The following SYNPO variants were observed in gnomAD, a reference collection of about 807,000 sequenced individuals.
SYNPO encodes the protein synaptopodin.
SYNPO carries 19 observed loss-of-function variants against 49.5 expected under a neutral mutation model. The ratio of observed to expected loss-of-function variants is 0.38; its 90% CI spans 0.27 to 0.56. The LOEUF (loss-of-function observed/expected upper bound fraction) is 0.56, where lower values mean the gene tolerates loss of function less well. Ranked by LOEUF, SYNPO falls within the 20% of genes least tolerant of loss-of-function variation. SYNPO has a pLI of 0.68. For missense variants in SYNPO, 1,131 were observed against 1,248.3 expected, an observed-to-expected ratio of 0.91 and a Z score of 1.42; for synonymous variants, 536 against 548.0, an observed-to-expected ratio of 0.98 and a Z score of 0.31.
At chr5:150,650,823 T>A in intron 2 of SYNPO, 1 of 1,278,872 alleles carries the variant, frequency 7.8e-7, no homozygotes. Context: ...GGCGTCTTTC[T>A]TCCTGTTGCT....
At chr5:150,590,358 T>C in the SYNPO span, among the ~76,000 whole-genome samples, 4 of 152,322 alleles carry the variant, frequency 2.6e-5, no homozygotes, top group Non-Finnish European at 4.4e-5. Flanking sequence ...CTGAAAAGCC[T>C]CTAAGATAGC....
At chr5:150,641,314 T>C (rs1005881051) in intron 1 of SYNPO, among the ~76,000 whole-genome samples, 1 of 152,206 alleles carries the variant, frequency 6.6e-6, no homozygotes, top group Non-Finnish European at 1.5e-5. Context: ...GGTTCCTTCC[T>C]GACCTCACCA....
intron 2 of SYNPO, among the ~76,000 whole-genome samples, chr5:150,632,342 C>T (rs527544295): frequency 3.2e-4 from 48 of 152,206 alleles, no homozygotes; most frequent in Non-Finnish European, 4.7e-4. Flanking sequence ...TTATGAGAAG[C>T]GCTATTCTAG....
chr5:150,652,286 C>G (rs1280371522), intron 2 of SYNPO: 1 of 998,446 alleles, frequency 1.0e-6, no homozygotes, highest in Non-Finnish European at 1.2e-6. Flanking sequence ...CCAGGCTGAG[C>G]TCTGCCCCCA....
At chr5:150,628,646 C>T (rs1434699936) in intron 2 of SYNPO, among the ~76,000 whole-genome samples, 10 of 152,214 alleles carry the variant, frequency 6.6e-5, no homozygotes, top group African/African-American at 1.9e-4. Context: ...TGGTGGCTCA[C>T]GCCTGTAATC....
Position 150,648,730 on chromosome 5 carries a change from G to A in SYNPO, c.455G>A (p.Cys152Tyr). The A allele has an allele frequency of 1.2e-6, 2 of 1,614,216 alleles. No homozygotes were observed. The highest frequency in any genetic ancestry group is 8.5e-7 in the Non-Finnish European group (1 of 1,180,036). Residue 152 changes from cysteine (C) to tyrosine (Y), a missense_variant, in exon 2 of 3, where the codon TGC (cysteine) becomes TAC (tyrosine). By Grantham distance (194) the Cys-to-Tyr change is radical (BLOSUM62 -2). Transcript: ENST00000307662. The surrounding 1 kb of genome is among the most constrained non-coding windows in gnomAD (Gnocchi z 5.0). ...CAGGCACCGGCTGAGGAGGTGAGATGCAGCACACTCCTAATTGACAAGGTA... is the reference window on the plus strand; with the variant it reads ...CAGGCACCGGCTGAGGAGGTGAGATACAGCACACTCCTAATTGACAAGGTA... ...QPQAPAEEVR[C>Y]STLLIDKVST...
chr5:150,631,551 G>T (rs1441258160), intron 2 of SYNPO, among the ~76,000 whole-genome samples: 2 of 152,210 alleles, frequency 1.3e-5, no homozygotes, highest in Admixed American at 1.3e-4. Flanking sequence ...TGCAGCGCAG[G>T]GGTCAGGGCA....
chr5:150,645,927 GTATT>G (rs1758073037), intron 1 of SYNPO, among the ~76,000 whole-genome samples: 2 of 152,198 alleles, frequency 1.3e-5, no homozygotes, highest in African/African-American at 2.4e-5. Context: ...TTTAAAATGA[GTATT>G]TAAGTAAAAC....
At position 150,640,777 on chromosome 5, in the gene SYNPO, G is replaced by A. The variant is rs148436846; in HGVS notation, c.-410G>A. The A allele has an allele frequency of 4.1e-5, 40 of 985,600 alleles. No homozygotes were observed. Among genetic ancestry groups the A allele is most frequent in the East Asian group, 1.1e-4 (1 of 8,952 alleles). The allele number at this position is 985,600 out of a possible 1,614,324, so 61.1% of individuals were successfully genotyped here. ...AGCCAAGCAATTGGCTGCCTTTGCCGGAGGCTTTGAGAACCAAGGCTTGAA... is the reference window on the plus strand; with the variant it reads ...AGCCAAGCAATTGGCTGCCTTTGCCAGAGGCTTTGAGAACCAAGGCTTGAA... On this transcript the variant is annotated 5_prime_UTR_variant, in exon 1 of 3. Transcript: ENST00000307662.
At chr5:150,631,350 C>CCTCTG (rs1757530078) in intron 2 of SYNPO, among the ~76,000 whole-genome samples, 2 of 152,168 alleles carry the variant, frequency 1.3e-5, no homozygotes, top group Non-Finnish European at 2.9e-5. Context: ...GACCTGTGAA[C>CCTCTG]AGACCTGAAG....
chr5:150,599,148 C>T (rs971613443), upstream of SYNPO, among the ~76,000 whole-genome samples: 7 of 152,244 alleles, frequency 4.6e-5, no homozygotes, highest in Non-Finnish European at 8.8e-5. Flanking sequence ...CACAAAATTC[C>T]AGACAGGGAA....
At chr5:150,630,567 C>T (rs558688611) in intron 2 of SYNPO, among the ~76,000 whole-genome samples, 21 of 152,180 alleles carry the variant, frequency 1.4e-4, no homozygotes, top group Non-Finnish European at 2.2e-4. Context: ...GTCACGCGCA[C>T]GGAGAACAAG....
upstream of SYNPO, among the ~76,000 whole-genome samples, chr5:150,635,965 T>C (rs1757702088): frequency 6.6e-6 from 1 of 152,240 alleles, no homozygotes; most frequent in East Asian, 1.9e-4. Flanking sequence ...TTGGTTATCA[T>C]ATCTACCTTT....
At chr5:150,630,588 C>T (rs1361145968) in intron 2 of SYNPO, among the ~76,000 whole-genome samples, 1 of 152,194 alleles carries the variant, frequency 6.6e-6, no homozygotes, top group Non-Finnish European at 1.5e-5. Context: ...CATGCCACCA[C>T]CCAACCTGAG....
chr5:150,618,465 T>C lies in SYNPO; in HGVS notation c.98T>C (p.Leu33Pro), dbSNP rs527930886. The C allele has an allele frequency of 3.5e-5, 54 of 1,551,638 alleles. No individual in the cohort carries two copies. In the African/African-American group the frequency reaches 7.1e-4, roughly 20 times the overall value. ...ATCCCTGATGGAAGCTACAGGTGTC[T>C]GGCTCTGGAAGCCGAGGAGAGCAGC... The change falls in exon 2 of 3, where the codon CTG becomes CCG. Residue 33 changes from leucine (L) to proline (P), a missense_variant. Coordinates refer to the SYNPO transcript ENST00000394243.
the SYNPO span, among the ~76,000 whole-genome samples, chr5:150,592,657 A>AG: frequency 3.3e-5 from 5 of 152,192 alleles, no homozygotes; most frequent in African/African-American, 1.2e-4. Context: ...TTGGAGCCCG[A>AG]GCACCCTTCC....
chr5:150,642,901 C>T (rs1047243839), intron 1 of SYNPO, among the ~76,000 whole-genome samples: 1 of 152,204 alleles, frequency 6.6e-6, no homozygotes, highest in African/African-American at 2.4e-5. Context: ...GTGATGGGAT[C>T]TTAGCGGCAG....
chr5:150,632,419 C>A (rs1757571355), intron 2 of SYNPO, among the ~76,000 whole-genome samples: 1 of 152,104 alleles, frequency 6.6e-6, no homozygotes, highest in Non-Finnish European at 1.5e-5. Flanking sequence ...TAAAGCTTTA[C>A]ATATAAACAC....
Position 150,657,254 on chromosome 5 carries a change from C to A in SYNPO, c.*167C>A. ...TAGGGACGCAAGCTTGAGTTCTAGCCCTTGCTCTCATTCAGCTGTTGTGTG... is the reference window on the plus strand; with the variant it reads ...TAGGGACGCAAGCTTGAGTTCTAGCACTTGCTCTCATTCAGCTGTTGTGTG... On this transcript the variant is annotated 3_prime_UTR_variant, in exon 3 of 3. Transcript: ENST00000307662. 2.8e-6 allele frequency: 2 copies of A among 721,508 alleles called. No homozygotes were observed. The highest frequency in any genetic ancestry group is 3.9e-5 in the South Asian group (2 of 51,786). 44.7% of individuals were successfully genotyped at this position (721,508 alleles called of 1,614,324 possible). A position where few individuals can be genotyped will look rare whatever the true frequency, so the allele number is the denominator to read the frequency against.
Sources: allele counts gnomAD v4.1 joint callset (sites outside exome capture counted in the v4.1 genomes callset), GRCh38; gene constraint gnomAD v4.1.1; non-coding constraint Gnocchi (gnomAD v3.1); transcripts MANE v1.5; gene names NCBI Gene and HGNC (gene_info 2026-07-23, HGNC 2026-07-21).